Variants in SENP7 observed in about 807,000 individuals in gnomAD.
SENP7 encodes SUMO specific peptidase 7.
A neutral mutation model predicts 141.2 loss-of-function variants in SENP7; 64 were observed. That is an observed-to-expected ratio of 0.45 (90% CI 0.37 to 0.56). SENP7 has a LOEUF of 0.56. Ranked by LOEUF, SENP7 falls within the 20% of genes least tolerant of loss-of-function variation. SENP7 has a pLI of 0.00. For synonymous variants in SENP7, 382 were observed against 426.4 expected (o/e 0.90, Z 1.28); for missense variants, 1,025 against 1,212.2 (o/e 0.85, Z 2.29).
chr3:101,376,095 A>T (rs1390195483), intron 6 of SENP7, among the ~76,000 whole-genome samples: 1 of 152,220 alleles, frequency 6.6e-6, no homozygotes, highest in Admixed American at 6.5e-5. Context: ...TAAGCCACTA[A>T]CTAAAAGACA....
chr3:101,402,803 G>C (rs564034953), intron 5 of SENP7, among the ~76,000 whole-genome samples: 2 of 152,048 alleles, frequency 1.3e-5, no homozygotes, highest in Non-Finnish European at 2.9e-5. Flanking sequence ...ATTACAGCTC[G>C]TTGACAATGC....
intron 1 of SENP7, among the ~76,000 whole-genome samples, chr3:101,508,660 A>C (rs2108209032): frequency 6.6e-6 from 1 of 152,260 alleles, no homozygotes; most frequent in South Asian, 2.1e-4. Context: ...GAAAACTCTC[A>C]AGTTCTCAAA....
intron 4 of SENP7, among the ~76,000 whole-genome samples, chr3:101,427,658 CTTTTTT>C (rs988295793): frequency 7.3e-5 from 11 of 151,678 alleles, no homozygotes; most frequent in Admixed American, 2.0e-4. Context: ...TTTTCTTTTT[CTTTTTT>C]TTCTTTTGAA....
rs745365211 is a variant in SENP7, at chr3:101,365,000, G to A, written c.1319-9C>T. ...ATCACTGGAAACAACAACTAAAACG[G>A]AAAAGAAAAATGTATTTTTGTTTAT... On this transcript the variant is annotated splice_polypyrimidine_tract_variant and intron_variant, in intron 9 of 23. Coordinates refer to ENST00000394095, the MANE Select transcript of SENP7 (RefSeq NM_020654.5). 2.1e-6 allele frequency: 3 copies of A among 1,456,206 alleles called. No homozygotes were observed. Among genetic ancestry groups the A allele is most frequent in the African/African-American group, 2.9e-5 (2 of 68,110 alleles). 90.2% of individuals were successfully genotyped at this position (1,456,206 alleles called of 1,614,324 possible).
chr3:101,512,536 GAA>G (rs2065901962), intron 1 of SENP7, among the ~76,000 whole-genome samples: 1 of 152,304 alleles, frequency 6.6e-6, no homozygotes, highest in African/African-American at 2.4e-5. Context: ...GGCTGGAAAA[GAA>G]AAAGGCTATT....
chr3:101,377,091 G>C (rs1559740459), intron 6 of SENP7, among the ~76,000 whole-genome samples: 2 of 151,914 alleles, frequency 1.3e-5, no homozygotes, highest in Non-Finnish European at 2.9e-5. Context: ...CACATACATG[G>C]TAAACTTTTA....
In SENP7 at chr3:101,367,901, T is replaced by G. The variant is rs1232696083; in HGVS notation, c.907A>C (p.Lys303Gln). ...VELTLISRKT[K>Q]RRLRNNLPDS... Reference sequence around the variant, plus strand: ...GGTAAATTATTTCTAAGCCTTCTCTTTGTCTTCCTGGAAATCAGAGTGAGT... The same window carrying G: ...GGTAAATTATTTCTAAGCCTTCTCTGTGTCTTCCTGGAAATCAGAGTGAGT... The change falls in exon 8 of 24, where the codon AAG (lysine) becomes CAG (glutamine). Residue 303 changes from lysine to glutamine, a missense_variant. Around this residue, in one of 4 missense-constraint regions of SENP7, gnomAD observed 496 missense variants for 503.5 expected, o/e 0.99. Transcript: ENST00000394095. The G allele has an allele frequency of 6.2e-7, 1 of 1,611,580 alleles. No homozygotes were observed. The highest frequency in any genetic ancestry group is 1.1e-5 in the South Asian group (1 of 90,994).
intron 6 of SENP7, among the ~76,000 whole-genome samples, chr3:101,383,360 C>T (rs949217023): frequency 3.3e-5 from 5 of 152,162 alleles, no homozygotes; most frequent in African/African-American, 2.4e-5. Context: ...GAGGCACAGC[C>T]GGGACTGCAA....
chr3:101,473,763 C>T (rs895175703), intron 3 of SENP7, among the ~76,000 whole-genome samples: 1 of 152,098 alleles, frequency 6.6e-6, no homozygotes, highest in Admixed American at 6.6e-5. Flanking sequence ...TCAATTTTTG[C>T]TTTTGTCCCA....
intron 3 of SENP7, among the ~76,000 whole-genome samples, chr3:101,482,995 T>A (rs1013840104): frequency 6.6e-6 from 1 of 152,242 alleles, no homozygotes; most frequent in Non-Finnish European, 1.5e-5. Flanking sequence ...TTATCCACTG[T>A]TGGTGGGAAT....
chr3:101,467,022 G>A (rs1166976069), intron 3 of SENP7, among the ~76,000 whole-genome samples: 1 of 152,202 alleles, frequency 6.6e-6, no homozygotes, highest in Non-Finnish European at 1.5e-5. Context: ...AGCAGACAAG[G>A]TGATTCTCTC....
chr3:101,510,982 G>A (rs1469780954), intron 1 of SENP7, among the ~76,000 whole-genome samples: 2 of 151,920 alleles, frequency 1.3e-5, no homozygotes, highest in Non-Finnish European at 2.9e-5. Context: ...ATTTATTCAG[G>A]AAATTAAATA....
rs1201309553 is a variant in SENP7, at chr3:101,457,775, C to A, written c.284+1180G>T. On this transcript the variant is annotated intron_variant, in intron 4 of 23. Coordinates refer to ENST00000394095, the MANE Select transcript of SENP7 (RefSeq NM_020654.5). ...GCCATGCAGAGAACTAGGGTTGGTG[C>A]TAAGAGGGTCCTGGGTGGACCAGCT... The A allele has an allele frequency of 6.0e-6, 4 of 667,428 alleles. No homozygotes were observed. In the African/African-American group the frequency reaches 7.3e-5, roughly 12 times the overall value. 41.3% of individuals were successfully genotyped at this position (667,428 alleles called of 1,614,324 possible).
chr3:101,350,295 T>C (rs1181743452), intron 12 of SENP7, among the ~76,000 whole-genome samples: 2 of 152,204 alleles, frequency 1.3e-5, no homozygotes, highest in African/African-American at 4.8e-5. Flanking sequence ...ATTTTCTTTA[T>C]GCATTGTTAC....
intron 17 of SENP7, 96 bp from the exon 18 acceptor site, chr3:101,332,958 T>G: frequency 3.4e-6 from 4 of 1,184,326 alleles, no homozygotes; most frequent in Non-Finnish European, 4.6e-6. Flanking sequence ...ATCTTAAATT[T>G]AGTTTAACCA....
chr3:101,362,944 C>T (rs1337906290), intron 10 of SENP7, among the ~76,000 whole-genome samples: 1 of 152,146 alleles, frequency 6.6e-6, no homozygotes, highest in Non-Finnish European at 1.5e-5. Context: ...ACTTTTTCAA[C>T]TTTTTCAAAT....
intron 6 of SENP7, among the ~76,000 whole-genome samples, chr3:101,389,018 T>C (rs2060737272): frequency 6.6e-6 from 1 of 152,128 alleles, no homozygotes; most frequent in African/African-American, 2.4e-5. Context: ...GACCAAATAT[T>C]CCATTTTCAA....
chr3:101,463,380 T>C (rs13317304), intron 3 of SENP7, among the ~76,000 whole-genome samples: 41 of 72,076 alleles, frequency 5.7e-4, no homozygotes, highest in South Asian at 1.4e-3. Flanking sequence ...TATATATATA[T>C]ATATATATAT....
At chr3:101,410,029 G>A (rs1028474537) in intron 5 of SENP7, among the ~76,000 whole-genome samples, 2 of 152,056 alleles carry the variant, frequency 1.3e-5, no homozygotes, top group African/African-American at 4.8e-5. Flanking sequence ...TCTTCACAAT[G>A]TATACATCTG....
Sources: allele counts gnomAD v4.1 joint callset (sites outside exome capture counted in the v4.1 genomes callset), GRCh38; gene constraint gnomAD v4.1.1; regional missense constraint gnomAD v4.1.1; transcripts MANE v1.5; gene names NCBI Gene and HGNC (gene_info 2026-07-23, HGNC 2026-07-21).